Variants in MAPK8 observed in about 807,000 individuals in gnomAD.
The protein encoded by MAPK8 is JUN N-terminal kinase.
Under a neutral mutation model 52.9 loss-of-function variants are expected in MAPK8, and 13 were observed. The ratio of observed to expected loss-of-function variants is 0.25; its 90% CI spans 0.16 to 0.39. The LOEUF is 0.39. MAPK8 is among the 10% of genes least tolerant of loss of function. The pLI, the probability that MAPK8 is intolerant of heterozygous loss-of-function variation, is 1.00. For synonymous variants in MAPK8, 191 were observed against 169.8 expected, an observed-to-expected ratio of 1.12 and a Z score of -0.97; for missense variants, 300 against 519.2, an observed-to-expected ratio of 0.58 and a Z score of 4.10.
Position 48,309,830 on chromosome 10 carries a change from G to A in MAPK8, c.-50+3009G>A, listed in dbSNP as rs545685621. The stretch of plus-strand genomic sequence containing the variant: ...ACATTAGGATTCCAGTGCTCTAGAG[G>A]TCTCTGGTCAAGTCAATGGTATGGG... On this transcript the variant is annotated intron_variant, in intron 1 of 11. Coordinates refer to ENST00000374189, the MANE Select transcript of MAPK8 (RefSeq NM_001323329.2). Among the ~76,000 whole-genome samples the A allele has an allele frequency of 1.2e-4, 19 of 152,268 alleles. No homozygotes were observed. In the East Asian group the frequency reaches 3.7e-3, roughly 29 times the overall value.
At chr10:48,320,801 C>T (rs1236050088) in intron 1 of MAPK8, among the ~76,000 whole-genome samples, 1 of 152,078 alleles carries the variant, frequency 6.6e-6, no homozygotes, top group African/African-American at 2.4e-5. Flanking sequence ...AACTGCCAAA[C>T]TGTTTTTCAA....
chr10:48,395,566 T>A (rs2041846633), intron 1 of MAPK8, among the ~76,000 whole-genome samples: 1 of 152,086 alleles, frequency 6.6e-6, no homozygotes, highest in Non-Finnish European at 1.5e-5. Flanking sequence ...TAAAAACTTT[T>A]GATCTTCAAA....
At chr10:48,341,934 A>C (rs998381385) in intron 1 of MAPK8, among the ~76,000 whole-genome samples, 3 of 152,240 alleles carry the variant, frequency 2.0e-5, no homozygotes, top group Non-Finnish European at 4.4e-5. Context: ...GAGGGAAAGC[A>C]CATGCAGAAG....
At chr10:48,410,322 C>A in intron 5 of MAPK8, 154 bp downstream of exon 5, 1 of 515,954 alleles carries the variant, frequency 1.9e-6, no homozygotes, top group Non-Finnish European at 3.1e-6. Context: ...TCATTACCCC[C>A]AAAAAAGTCT....
chr10:48,398,278 C>G lies in MAPK8; in HGVS notation c.-49-3334C>G, dbSNP rs1040313263. ...GTCTTAAAACTCATAAGAAGACAGC[C>G]GTATTTTTACAATAGGGAAAAGAAC... is the stretch of plus-strand genomic sequence containing the variant. On this transcript the variant is annotated intron_variant, in intron 1 of 11. Transcript: ENST00000374189. 2.0e-5 allele frequency among the ~76,000 whole-genome samples: 3 copies of G among 151,760 alleles called. No individual in the cohort carries two copies. The South Asian group carries it at 6.2e-4, about 32-fold the overall frequency.
intron 1 of MAPK8, 77 bp from the exon 2 acceptor site, chr10:48,401,531 AGTAC>A (rs2042158883): frequency 2.5e-6 from 2 of 811,214 alleles, no homozygotes; most frequent in Non-Finnish European, 3.9e-6. Context: ...TGTTACTATC[AGTAC>A]GTAAACAGTA....
intron 1 of MAPK8, among the ~76,000 whole-genome samples, chr10:48,395,955 C>T (rs2041866310): frequency 6.6e-6 from 1 of 152,004 alleles, no homozygotes; most frequent in African/African-American, 2.4e-5. Flanking sequence ...TGACTTAAAA[C>T]TCTTATACAA....
chr10:48,426,770 A>G lies in MAPK8; in HGVS notation c.996+266A>G, dbSNP rs144222938. On this transcript the variant is annotated intron_variant, in intron 9 of 11. Transcript: ENST00000374189. ...CTAGGATGTTGAATGCTCTGGGGGA[A>G]CATCCTAACTCAGGTATAAAACAAA... 401 of 490,744 alleles carry G rather than the reference A, an allele frequency of 8.2e-4. 4 individuals are homozygous for G. In the East Asian group the frequency reaches 0.013, roughly 16 times the overall value. 30.4% of individuals were successfully genotyped at this position (490,744 alleles called of 1,614,324 possible).
chr10:48,424,372 G>A, intron 7 of MAPK8: 1 of 646,234 alleles, frequency 1.5e-6, no homozygotes. Context: ...GGTAGTCAGA[G>A]CACATTCACT....
Position 48,427,071 on chromosome 10 carries a change from G to A in MAPK8, c.997-9G>A. ...ACTGACTTGGTTATTATTGCCTTGT[G>A]TTTTTCAGCCACCACCAAAGATCCC... On this transcript the variant is annotated splice_polypyrimidine_tract_variant and intron_variant, in intron 9 of 11. Transcript: ENST00000374189. 6.2e-7 allele frequency: 1 copy of A among 1,611,560 alleles called. No individual in the cohort carries two copies. Among genetic ancestry groups the A allele is most frequent in the Non-Finnish European group, 8.5e-7 (1 of 1,178,134 alleles).
intron 3 of MAPK8, among the ~76,000 whole-genome samples, chr10:48,405,348 C>G (rs979135364): frequency 2.6e-5 from 4 of 151,970 alleles, no homozygotes; most frequent in African/African-American, 4.8e-5. Context: ...GAAATTGTTC[C>G]CATTATGCTT....
chr10:48,427,368 C>CA (rs1322070251), intron 10 of MAPK8: 1 of 422,714 alleles, frequency 2.4e-6, no homozygotes, highest in East Asian at 4.5e-5. Context: ...TGCTCTGTCT[C>CA]ATATTTTTTT....
At chr10:48,391,686 A>G (rs113033364) in intron 1 of MAPK8, among the ~76,000 whole-genome samples, 9,351 of 152,198 alleles carry the variant, frequency 0.061, 741 homozygotes, top group Admixed American at 0.24. Flanking sequence ...TTCTGACACT[A>G]GTTACCTGGA....
chr10:48,354,009 TAC>T (rs1163250862), intron 1 of MAPK8, among the ~76,000 whole-genome samples: 1 of 152,202 alleles, frequency 6.6e-6, no homozygotes, highest in Non-Finnish European at 1.5e-5. Context: ...TACATAGCTA[TAC>T]ACACACACTG....
chr10:48,363,979 T>G (rs759922817), intron 1 of MAPK8, among the ~76,000 whole-genome samples: 1 of 152,240 alleles, frequency 6.6e-6, no homozygotes, highest in Non-Finnish European at 1.5e-5. Flanking sequence ...TAGACTTTAA[T>G]TCAATTGCCA....
chr10:48,339,775 T>C (rs575053224), intron 1 of MAPK8, among the ~76,000 whole-genome samples: 4 of 152,212 alleles, frequency 2.6e-5, no homozygotes, highest in Admixed American at 2.0e-4. Flanking sequence ...AAAGAAGACA[T>C]ACGAGTGGCG....
intron 1 of MAPK8, among the ~76,000 whole-genome samples, chr10:48,372,542 A>G (rs2040389112): frequency 6.6e-6 from 1 of 152,144 alleles, no homozygotes; most frequent in Non-Finnish European, 1.5e-5. Flanking sequence ...GACCTGATGG[A>G]ACTGAAAAAC....
At chr10:48,319,632 G>A (rs1842805066) in intron 1 of MAPK8, among the ~76,000 whole-genome samples, 1 of 152,016 alleles carries the variant, frequency 6.6e-6, no homozygotes, top group South Asian at 2.1e-4. Context: ...TGCGATTACA[G>A]GTGCCTGCCA....
intron 1 of MAPK8, among the ~76,000 whole-genome samples, chr10:48,382,802 A>G (rs1235979618): frequency 6.8e-6 from 1 of 147,074 alleles, no homozygotes; most frequent in African/African-American, 2.5e-5. Flanking sequence ...CTTATATATA[A>G]TATATATTAT....
Sources: gnomAD v4.1 joint callset for allele counts (sites outside exome capture counted in the v4.1 genomes callset) on GRCh38, gnomAD v4.1.1 for gene constraint, MANE v1.5 for transcripts, NCBI Gene and HGNC (gene_info 2026-07-23, HGNC 2026-07-21) for gene names.